CASZ1: variants seen among roughly 807,000 people sequenced by gnomAD.
CASZ1 encodes castor zinc finger 1.
In CASZ1, 28 loss-of-function variants were observed where a neutral mutation model predicts 135.2. That is an observed-to-expected ratio of 0.21 (90% confidence interval 0.15 to 0.28). The LOEUF is 0.28. Among genes scored for constraint, CASZ1 ranks in the 10% least tolerant of loss-of-function variants. The pLI is 1.00. For synonymous variants in CASZ1, 1,068 were observed against 1,073.4 expected (o/e 0.99, Z 0.10); for missense variants, 2,161 against 2,453.3 (o/e 0.88, Z 2.52).
chr1:10,693,874 C>G lies in CASZ1; in HGVS notation c.16G>C (p.Ala6Pro). 1 of 1,613,228 alleles carries G rather than the reference C, an allele frequency of 6.2e-7. No homozygotes were observed. The highest frequency in any genetic ancestry group is 1.1e-5 in the South Asian group (1 of 91,084). Reference sequence around the variant, plus strand: ...CCCCTGCGTTCCCACCGGCCGGTACCTGTTCCAAGATCCATTCTCTTCTCC... The same window carrying G: ...CCCCTGCGTTCCCACCGGCCGGTACGTGTTCCAAGATCCATTCTCTTCTCC... MDLGT[A>P]EGTRCTDPPA... Residue 6 changes from alanine (A) to proline (P), a missense_variant and splice_region_variant, in exon 4 of 21, where the codon GCT becomes CCT. Physicochemically the swap from Ala to Pro is conservative, Grantham distance 27. Transcript: ENST00000377022.
chr1:10,721,986 C>T lies in CASZ1; in HGVS notation c.-76-16442G>A, dbSNP rs2100486943. On this transcript the variant is annotated intron_variant, in intron 2 of 20. Transcript: ENST00000377022. The surrounding 1 kb of genome is among the most constrained non-coding windows in gnomAD (Gnocchi z 5.4). ...ACCTTGAGCACCTGTTGACAGAGGCCACCTAGGGAAACTGAGGCACAGCAG... is the reference window on the plus strand; with the variant it reads ...ACCTTGAGCACCTGTTGACAGAGGCTACCTAGGGAAACTGAGGCACAGCAG... Among the ~76,000 whole-genome samples the T allele has an allele frequency of 6.6e-6, 1 of 152,348 alleles. No individual in the cohort carries two copies. The highest frequency in any genetic ancestry group is 2.1e-4 in the South Asian group (1 of 4,832).
intron 13 of CASZ1, chr1:10,649,683 G>T (rs1051702755): frequency 1.2e-5 from 6 of 482,094 alleles, no homozygotes; most frequent in South Asian, 4.0e-5. Flanking sequence ...AGCCCGTGCC[G>T]CGGGATCCAT....
Position 10,644,801 on chromosome 1 carries a change from C to T in CASZ1, c.3868+116G>A, listed in dbSNP as rs973434051. ...GATATCTGGGACACCTTTAACAAAA[C>T]GTGGAGCCTGCGGTGGGGAACAGGA... On this transcript the variant is annotated intron_variant, in intron 18 of 20. Transcript: ENST00000377022. The T allele has an allele frequency of 9.2e-6, 10 of 1,084,438 alleles. No homozygotes were observed. The South Asian group carries it at 1.0e-4, about 11-fold the overall frequency. 67.2% of individuals were successfully genotyped at this position (1,084,438 alleles called of 1,614,324 possible).
At chr1:10,745,163 A>G (rs1281392551) in intron 2 of CASZ1, among the ~76,000 whole-genome samples, 3 of 152,078 alleles carry the variant, frequency 2.0e-5, no homozygotes, top group South Asian at 4.2e-4. Context: ...CCTCTGCCCC[A>G]AGGAAACAGA....
rs1570416717 is a variant in CASZ1, at chr1:10,653,362, A to C, written c.2680+15T>G. On this transcript the variant is annotated intron_variant, in intron 11 of 20. Coordinates refer to ENST00000377022, the MANE Select transcript of CASZ1 (RefSeq NM_001079843.3). ...AGAAGGTGCCTGCTTTCTGGGCAGG[A>C]CCCAGCCTGCTCACCTGGGTCAAAG... 1 of 1,612,798 alleles carries C rather than the reference A, an allele frequency of 6.2e-7. No homozygotes were observed. The highest frequency in any genetic ancestry group is 8.5e-7 in the Non-Finnish European group (1 of 1,179,778).
At position 10,720,227 on chromosome 1, in the gene CASZ1, G is replaced by A. The variant is rs1003619807; in HGVS notation, c.-76-14683C>T. Among the ~76,000 whole-genome samples, 15 of 152,222 alleles carry A rather than the reference G, an allele frequency of 9.9e-5. No homozygotes were observed. The highest frequency in any genetic ancestry group is 2.1e-4 in the South Asian group (1 of 4,834). ...GGCTGTGGTGAGGGTTTGGGGAAGC[G>A]ATGAGGGTAAAGCTCTTAGCAAAGT... On this transcript the variant is annotated intron_variant, in intron 2 of 20. Coordinates refer to ENST00000377022, the MANE Select transcript of CASZ1 (RefSeq NM_001079843.3). The surrounding 1 kb of genome is among the most constrained non-coding windows in gnomAD (Gnocchi z 5.7).
At chr1:10,673,651 G>T (rs1262203711) in intron 4 of CASZ1, among the ~76,000 whole-genome samples, 1 of 152,170 alleles carries the variant, frequency 6.6e-6, no homozygotes, top group Admixed American at 6.5e-5. Context: ...CGCGCTGCTT[G>T]GAAAAGGAAA....
At position 10,638,481 on chromosome 1, in the gene CASZ1, C is replaced by G. The variant is rs1642069311; in HGVS notation, c.*461G>C. The G allele has an allele frequency of 6.6e-6, 1 of 152,164 alleles. No homozygotes were observed. Among genetic ancestry groups the G allele is most frequent in the Admixed American group, 6.5e-5 (1 of 15,308 alleles). The allele number at this position is 152,164 out of a possible 1,614,324, so 9.4% of individuals were successfully genotyped here. On this transcript the variant is annotated 3_prime_UTR_variant, in exon 21 of 21. Transcript: ENST00000377022. This position sits in a 1 kb window ranked among gnomAD's most constrained non-coding sequence, Gnocchi z 5.9. The stretch of plus-strand genomic sequence containing the variant: ...TGCCTTCTGCCCGTCTCCCCCTGGG[C>G]AGGGGGGAGGATCCTAGCTGCATGA...
At chr1:10,648,504 G>A (rs1212838224) in intron 15 of CASZ1, 3 of 238,660 alleles carry the variant, frequency 1.3e-5, no homozygotes, top group Middle Eastern at 1.4e-3. Flanking sequence ...AGGCTTCCCC[G>A]CGGGCTACGG....
intron 4 of CASZ1, among the ~76,000 whole-genome samples, chr1:10,677,361 G>A (rs1207108185): frequency 6.6e-6 from 1 of 152,098 alleles, no homozygotes; most frequent in Admixed American, 6.6e-5. Context: ...GGGTGGCACC[G>A]AGGAGGGCAG....
At chr1:10,783,266 T>C (rs947242551) in intron 1 of CASZ1, among the ~76,000 whole-genome samples, 9 of 151,670 alleles carry the variant, frequency 5.9e-5, no homozygotes, top group African/African-American at 9.7e-5. Context: ...TGTGTGTGTG[T>C]GTGTGTGTGT....
In CASZ1 at chr1:10,770,300, T is replaced by C. The variant is rs76293174; in HGVS notation, c.-233-9443A>G. On this transcript the variant is annotated intron_variant, in intron 1 of 20. Transcript: ENST00000377022. ...GGGTTTTGCCATGTCACCCAGGAGTTTCTTGAACTCCTGAGCTCAAGTGGT... is the reference window on the plus strand; with the variant it reads ...GGGTTTTGCCATGTCACCCAGGAGTCTCTTGAACTCCTGAGCTCAAGTGGT... 3.1e-3 allele frequency among the ~76,000 whole-genome samples: 464 copies of C among 152,070 alleles called. 1 individual carries two copies. Among genetic ancestry groups the C allele is most frequent in the African/African-American group, 0.011 (441 of 41,496 alleles).
rs59054467 is a variant in CASZ1, at chr1:10,636,655, CAA to C, written c.*2285_*2286del. 16,764 of 113,178 alleles carry C rather than the reference CAA, an allele frequency of 0.15. 1,113 individuals carry two copies. The highest frequency in any genetic ancestry group is 0.19 in the Non-Finnish European group (10,358 of 53,176). 7.0% of individuals were successfully genotyped at this position (113,178 alleles called of 1,614,324 possible). ...AATGTCAAACCTTGCATCAGTCATG[CAA>C]AAAAAAAAAAAAAAATCAAATAAAT... On this transcript the variant is annotated 3_prime_UTR_variant, in exon 21 of 21. Coordinates refer to ENST00000377022, the MANE Select transcript of CASZ1 (RefSeq NM_001079843.3).
intron 2 of CASZ1, among the ~76,000 whole-genome samples, chr1:10,710,968 T>C (rs1195419778): frequency 6.6e-6 from 1 of 152,184 alleles, no homozygotes; most frequent in Non-Finnish European, 1.5e-5. Flanking sequence ...CTGTCTCTAC[T>C]AAAAATACAA....
rs1639463807 is a variant in CASZ1 at position 10,719,885 on chromosome 1, A to G, written c.-76-14341T>C. The stretch of plus-strand genomic sequence containing the variant: ...GAGGCAGCTCCCAGCCCCTGAGAGG[A>G]GGCAAATCTTGTCTTCTTGGTGCAG... On this transcript the variant is annotated intron_variant, in intron 2 of 20. Coordinates refer to ENST00000377022, the MANE Select transcript of CASZ1 (RefSeq NM_001079843.3). This position sits in a 1 kb window ranked among gnomAD's most constrained non-coding sequence, Gnocchi z 4.0. Among the ~76,000 whole-genome samples, 1 of 152,246 alleles carries G rather than the reference A, an allele frequency of 6.6e-6. No homozygotes were observed.
At chr1:10,781,349 C>T (rs1399115666) in intron 1 of CASZ1, among the ~76,000 whole-genome samples, 1 of 152,218 alleles carries the variant, frequency 6.6e-6, no homozygotes, top group Non-Finnish European at 1.5e-5. Flanking sequence ...GCAAAGGCCA[C>T]CTGCTCCTGG....
chr1:10,650,657 G>C (rs781588250), intron 13 of CASZ1, 35 bp downstream of exon 13: 6 of 1,562,038 alleles, frequency 3.8e-6, no homozygotes, highest in African/African-American at 1.4e-5. Flanking sequence ...TTCTCTGGGT[G>C]GGGGAACGGG....
intron 4 of CASZ1, among the ~76,000 whole-genome samples, chr1:10,686,216 G>A (rs748430683): frequency 2.6e-5 from 4 of 152,124 alleles, no homozygotes; most frequent in Admixed American, 6.5e-5. Flanking sequence ...TCACAGGGCC[G>A]TCCACACCAG....
Position 10,777,414 on chromosome 1 carries a change from C to T in CASZ1, c.-233-16557G>A, listed in dbSNP as rs1640680722. On this transcript the variant is annotated intron_variant, in intron 1 of 20. Coordinates refer to ENST00000377022, the MANE Select transcript of CASZ1 (RefSeq NM_001079843.3). This position sits in a 1 kb window ranked among gnomAD's most constrained non-coding sequence, Gnocchi z 4.4. ...ATTGGTCAAACCACCGCATCATTCC[C>T]ACAAAATCCTCTGAGCTCATGCGGA... Among the ~76,000 whole-genome samples the T allele has an allele frequency of 1.3e-5, 2 of 152,126 alleles. No individual in the cohort carries two copies. Among genetic ancestry groups the T allele is most frequent in the African/African-American group, 4.8e-5 (2 of 41,406 alleles).
Sources: gnomAD v4.1 joint callset for allele counts (sites outside exome capture counted in the v4.1 genomes callset) on GRCh38, gnomAD v4.1.1 for gene constraint, Gnocchi (gnomAD v3.1) non-coding constraint, MANE v1.5 for transcripts, NCBI Gene and HGNC (gene_info 2026-07-23, HGNC 2026-07-21) for gene names.